Variants in HOOK3 observed in about 807,000 individuals in gnomAD.
The protein encoded by HOOK3 is protein Hook homolog 3.
A neutral mutation model predicts 116.3 loss-of-function variants in HOOK3; 24 were observed. The observed-to-expected ratio is 0.21, with a 90% CI of 0.15 to 0.29. The LOEUF is 0.29. HOOK3 is among the 10% of genes least tolerant of loss of function. The pLI, the probability that HOOK3 is intolerant of heterozygous loss-of-function variation, is 1.00. For synonymous variants in HOOK3, 275 were observed against 283.0 expected, an observed-to-expected ratio of 0.97 and a Z score of 0.28; for missense variants, 632 against 830.2, an observed-to-expected ratio of 0.76 and a Z score of 2.93.
intron 8 of HOOK3, among the ~76,000 whole-genome samples, chr8:42,960,716 T>C (rs1808519441): frequency 6.6e-6 from 1 of 152,166 alleles, no homozygotes; most frequent in Non-Finnish European, 1.5e-5. Context: ...GATTTATTTG[T>C]CATAAAGTGT....
intron 21 of HOOK3, among the ~76,000 whole-genome samples, chr8:43,015,483 A>C (rs1299112490): frequency 6.6e-6 from 1 of 152,168 alleles, no homozygotes; most frequent in Non-Finnish European, 1.5e-5. Context: ...AGATCACACC[A>C]CTGCCCTCCA....
Position 43,025,047 on chromosome 8 carries a change from A to G in HOOK3, c.*6549A>G. ...AAACATTTAATTCATGTTGACTTAA[A>G]ACATGGGCATCCTTGGATTCTCCAC... is the stretch of plus-strand genomic sequence containing the variant. On this transcript the variant is annotated 3_prime_UTR_variant, in exon 22 of 22. Coordinates refer to ENST00000307602, the MANE Select transcript of HOOK3 (RefSeq NM_032410.4). 1 of 209,802 alleles carries G rather than the reference A, an allele frequency of 4.8e-6. No homozygotes were observed. Among genetic ancestry groups the G allele is most frequent in the South Asian group, 1.9e-4 (1 of 5,334 alleles). 13.0% of individuals were successfully genotyped at this position (209,802 alleles called of 1,614,324 possible).
Position 43,029,135 on chromosome 8 carries a change from A to T in HOOK3, c.*10637A>T, listed in dbSNP as rs1444546375. On this transcript the variant is annotated 3_prime_UTR_variant, in exon 22 of 22. Coordinates refer to ENST00000307602, the MANE Select transcript of HOOK3 (RefSeq NM_032410.4). ...TGATTTGGGGCCTTTTAATGTCTTT[A>T]ACAGCAATCTTTTATTTATTTATTT... is the stretch of plus-strand genomic sequence containing the variant. The T allele has an allele frequency of 5.6e-6, 1 of 179,122 alleles. No homozygotes were observed. Among genetic ancestry groups the T allele is most frequent in the Non-Finnish European group, 1.2e-5 (1 of 83,588 alleles). The allele number at this position is 179,122 out of a possible 1,614,324, so 11.1% of individuals were successfully genotyped here.
At chr8:42,963,218 G>T (rs1261927111) in intron 8 of HOOK3, among the ~76,000 whole-genome samples, 3 of 152,108 alleles carry the variant, frequency 2.0e-5, no homozygotes, top group Non-Finnish European at 4.4e-5. Flanking sequence ...TGAAATTCGG[G>T]ATATTTTTGG....
At chr8:42,914,619 A>T (rs1807495250) in intron 2 of HOOK3, among the ~76,000 whole-genome samples, 1 of 152,140 alleles carries the variant, frequency 6.6e-6, no homozygotes, top group South Asian at 2.1e-4. Flanking sequence ...ATGGCCAATC[A>T]TATTCACTCC....
intron 6 of HOOK3, among the ~76,000 whole-genome samples, chr8:42,954,025 TA>T (rs1172201250): frequency 6.6e-6 from 1 of 152,178 alleles, no homozygotes; most frequent in Non-Finnish European, 1.5e-5. Flanking sequence ...GGGCAATGGA[TA>T]AATAAATTAT....
rs1809782230 is a variant in HOOK3, at chr8:43,019,332, C to G, written c.*834C>G. 4.7e-6 allele frequency: 1 copy of G among 213,888 alleles called. No homozygotes were observed. Among genetic ancestry groups the G allele is most frequent in the South Asian group, 1.9e-4 (1 of 5,344 alleles). 13.2% of individuals were successfully genotyped at this position (213,888 alleles called of 1,614,324 possible). A position where few individuals can be genotyped will look rare whatever the true frequency, so the allele number is the denominator to read the frequency against. On this transcript the variant is annotated 3_prime_UTR_variant, in exon 22 of 22. Transcript: ENST00000307602. ...TTTTCTAACAATGTGGTTGACATAC[C>G]TTCAGTTGCTTTCCACATCTAAAAG...
chr8:42,975,333 C>T (rs758661448), intron 13 of HOOK3, among the ~76,000 whole-genome samples: 4 of 152,198 alleles, frequency 2.6e-5, no homozygotes, highest in African/African-American at 4.8e-5. Flanking sequence ...TTAAAACTCC[C>T]GGCCTAGTCT....
At chr8:42,949,995 G>GT (rs1261706271) in intron 5 of HOOK3, among the ~76,000 whole-genome samples, 2 of 151,764 alleles carry the variant, frequency 1.3e-5, no homozygotes, top group African/African-American at 2.4e-5. Flanking sequence ...AGAGTTCAAA[G>GT]TTTTTTTTGT....
intron 13 of HOOK3, among the ~76,000 whole-genome samples, chr8:42,976,586 C>A (rs1808833974): frequency 6.6e-6 from 1 of 152,090 alleles, no homozygotes; most frequent in Non-Finnish European, 1.5e-5. Context: ...TTTTAAACCT[C>A]ATCAAGTTTG....
intron 15 of HOOK3, among the ~76,000 whole-genome samples, chr8:42,989,533 G>A (rs1809114686): frequency 6.6e-6 from 1 of 152,154 alleles, no homozygotes; most frequent in Non-Finnish European, 1.5e-5. Flanking sequence ...ATACAGGCAT[G>A]CAGTGCATAA....
chr8:43,004,869 A>C (rs1312426431), intron 17 of HOOK3, among the ~76,000 whole-genome samples: 1 of 152,060 alleles, frequency 6.6e-6, no homozygotes, highest in South Asian at 2.1e-4. Flanking sequence ...GTGACCTCTC[A>C]GTTCTACTAT....
chr8:42,918,724 C>A (rs1374357660), intron 2 of HOOK3, among the ~76,000 whole-genome samples: 1 of 152,158 alleles, frequency 6.6e-6, no homozygotes, highest in Non-Finnish European at 1.5e-5. Flanking sequence ...GCACATGTTT[C>A]AGAGAGCAAG....
At chr8:43,000,203 C>G in intron 16 of HOOK3, 5 of 1,032,472 alleles carry the variant, frequency 4.8e-6, no homozygotes, top group Non-Finnish European at 6.6e-6. Flanking sequence ...ATCGTTGCTT[C>G]TCTTGGCTGC....
At chr8:42,907,521 G>T (rs187118305) in intron 2 of HOOK3, among the ~76,000 whole-genome samples, 113 of 152,178 alleles carry the variant, frequency 7.4e-4, no homozygotes, top group African/African-American at 2.2e-3. Flanking sequence ...CATTTTCATG[G>T]TCCCCTCTGA....
intron 2 of HOOK3, among the ~76,000 whole-genome samples, chr8:42,918,439 T>A (rs1807574034): frequency 6.6e-6 from 1 of 152,188 alleles, no homozygotes; most frequent in Non-Finnish European, 1.5e-5. Flanking sequence ...TAAATTTTTT[T>A]AGTATTTATT....
intron 15 of HOOK3, among the ~76,000 whole-genome samples, chr8:42,992,390 ACT>A (rs1293222353): frequency 3.6e-5 from 4 of 112,350 alleles, no homozygotes; most frequent in East Asian, 2.5e-4. Flanking sequence ...ACAGAGTGAG[ACT>A]CTGTCTCAAA....
intron 2 of HOOK3, among the ~76,000 whole-genome samples, chr8:42,916,150 A>G (rs1807529036): frequency 6.6e-6 from 1 of 152,212 alleles, no homozygotes; most frequent in South Asian, 2.1e-4. Flanking sequence ...GACATTGGTC[A>G]GTTTTTCAGT....
chr8:43,003,570 T>A (rs746266873), intron 17 of HOOK3, among the ~76,000 whole-genome samples: 3 of 152,218 alleles, frequency 2.0e-5, no homozygotes, highest in Admixed American at 6.5e-5. Context: ...GATTTATTAG[T>A]GAAGATGGAG....
Sources: allele counts gnomAD v4.1 joint callset (sites outside exome capture counted in the v4.1 genomes callset), GRCh38; gene constraint gnomAD v4.1.1; transcripts MANE v1.5; gene names NCBI Gene and HGNC (gene_info 2026-07-23, HGNC 2026-07-21).